Variants in C19orf44 observed in about 807,000 individuals in gnomAD.
C19orf44 encodes chromosome 19 open reading frame 44, also known as uncharacterized protein C19orf44.
In C19orf44, 43 loss-of-function variants were observed where a neutral mutation model predicts 50.7. That is an observed-to-expected ratio of 0.85 (90% CI 0.66 to 1.09). The LOEUF is 1.09. Among genes scored for constraint, C19orf44 ranks in the 50% least tolerant of loss-of-function variants. The pLI, the probability that C19orf44 is intolerant of heterozygous loss-of-function variation, is 0.00. For missense variants in C19orf44, 722 were observed against 836.2 expected, an observed-to-expected ratio of 0.86 and a Z score of 1.68; for synonymous variants, 298 against 334.7, an observed-to-expected ratio of 0.89 and a Z score of 1.20.
At chr19:16,508,505 A>G (rs1242006523) in intron 4 of C19orf44, among the ~76,000 whole-genome samples, 1 of 152,098 alleles carries the variant, frequency 6.6e-6, no homozygotes, top group East Asian at 1.9e-4. Context: ...AATCCTGCCC[A>G]GCCTCCTGAG....
chr19:16,497,372 A>C (rs1164433822), intron 1 of C19orf44, among the ~76,000 whole-genome samples: 2 of 33,752 alleles, frequency 5.9e-5, no homozygotes, highest in African/African-American at 1.2e-4. Flanking sequence ...TTTTTTTGAG[A>C]CAGATTCTCG....
chr19:16,519,932 C>T lies in C19orf44; in HGVS notation c.*41-162C>T. On this transcript the variant is annotated intron_variant, in intron 8 of 8. Transcript: ENST00000221671. This position sits in a 1 kb window ranked among gnomAD's most constrained non-coding sequence, Gnocchi z 6.0. ...CCCACGCTCAGCATTGAGAGCAGGACACCTCCAACCCAGATGGTGGTTAGA... is the reference window on the plus strand; with the variant it reads ...CCCACGCTCAGCATTGAGAGCAGGATACCTCCAACCCAGATGGTGGTTAGA... The T allele has an allele frequency of 1.5e-6, 1 of 657,300 alleles. No individual in the cohort carries two copies. The highest frequency in any genetic ancestry group is 2.7e-5 in the East Asian group (1 of 36,924). 40.7% of individuals were successfully genotyped at this position (657,300 alleles called of 1,614,324 possible).
At chr19:16,498,136 C>T (rs755835683) in intron 1 of C19orf44, among the ~76,000 whole-genome samples, 4 of 152,166 alleles carry the variant, frequency 2.6e-5, no homozygotes, top group African/African-American at 7.2e-5. Flanking sequence ...CGAACATTTG[C>T]ATACATTTGC....
chr19:16,497,070 A>C (rs758451177), intron 1 of C19orf44, among the ~76,000 whole-genome samples: 1 of 152,134 alleles, frequency 6.6e-6, no homozygotes, highest in Non-Finnish European at 1.5e-5. Flanking sequence ...CCAGGAGGTC[A>C]AGGGCTGCTG....
chr19:16,503,553 G>A (rs1320568926), intron 3 of C19orf44, among the ~76,000 whole-genome samples, 173 bp downstream of exon 3: 1 of 152,104 alleles, frequency 6.6e-6, no homozygotes, highest in Non-Finnish European at 1.5e-5. Flanking sequence ...TCCGATTTTT[G>A]TGCTATCTTT....
chr19:16,515,670 C>A (rs2093469502), intron 7 of C19orf44, among the ~76,000 whole-genome samples: 1 of 152,066 alleles, frequency 6.6e-6, no homozygotes, highest in East Asian at 1.9e-4. Context: ...GCTGGGATTA[C>A]AGGTGCCTGC....
rs1352925708 is a variant in C19orf44, at chr19:16,521,238, A to G, written c.*1185A>G. The G allele has an allele frequency of 5.3e-6, 3 of 568,392 alleles. No homozygotes were observed. Among genetic ancestry groups the G allele is most frequent in the Non-Finnish European group, 9.4e-6 (3 of 319,172 alleles). The allele number at this position is 568,392 out of a possible 1,614,324, so 35.2% of individuals were successfully genotyped here. ...CCCAGCACAGGAAGGAGGGGTGACCACTGGGAAGGGTGGGCTGAGGGCCCT... is the reference window on the plus strand; with the variant it reads ...CCCAGCACAGGAAGGAGGGGTGACCGCTGGGAAGGGTGGGCTGAGGGCCCT... On this transcript the variant is annotated 3_prime_UTR_variant, in exon 9 of 9. Transcript: ENST00000221671.
intron 8 of C19orf44, chr19:16,518,899 G>A (rs1214486083): frequency 5.9e-6 from 3 of 512,746 alleles, no homozygotes; most frequent in Non-Finnish European, 1.0e-5. Context: ...TTTTTGCTTC[G>A]CTATAAAGGA....
At position 16,519,724 on chromosome 19, in the gene C19orf44, G is replaced by A. The variant is rs1161671685; in HGVS notation, c.*41-370G>A. The A allele has an allele frequency of 7.5e-6, 12 of 1,606,148 alleles. No individual in the cohort carries two copies. Among genetic ancestry groups the A allele is most frequent in the East Asian group, 6.7e-5 (3 of 44,846 alleles). ...CCAGACCAGCAGAGGAACTAAAATC[G>A]AGACAGGTTATTCTTTTTAAGAAGT... On this transcript the variant is annotated intron_variant, in intron 8 of 8. Transcript: ENST00000221671. This position sits in a 1 kb window ranked among gnomAD's most constrained non-coding sequence, Gnocchi z 6.0.
intron 8 of C19orf44, 148 bp downstream of exon 8, chr19:16,517,489 T>C: frequency 3.1e-6 from 2 of 648,562 alleles, no homozygotes; most frequent in Non-Finnish European, 5.3e-6. Flanking sequence ...TGACATTCCA[T>C]GGTGGGGCAG....
At chr19:16,506,680 A>T in intron 3 of C19orf44, 21 bp from the exon 4 acceptor site, 2 of 1,515,088 alleles carry the variant, frequency 1.3e-6, no homozygotes, top group Non-Finnish European at 9.0e-7. Context: ...GTAAACGCTT[A>T]TACTCATTTT....
intron 3 of C19orf44, among the ~76,000 whole-genome samples, chr19:16,505,208 C>G (rs1438242651): frequency 6.7e-6 from 1 of 150,292 alleles, no homozygotes; most frequent in Non-Finnish European, 1.5e-5. Flanking sequence ...TGTGCCCGGC[C>G]CTGTCTTCTG....
chr19:16,500,353 T>G (rs2093421475), intron 1 of C19orf44, among the ~76,000 whole-genome samples: 1 of 147,572 alleles, frequency 6.8e-6, no homozygotes. Context: ...CTTTTTTCTT[T>G]TTCTTTTTTT....
In C19orf44 at chr19:16,519,360, C is replaced by T. The variant is rs747932438; in HGVS notation, c.*41-734C>T. 6.2e-7 allele frequency: 1 copy of T among 1,608,276 alleles called. No homozygotes were observed. Among genetic ancestry groups the T allele is most frequent in the East Asian group, 2.2e-5 (1 of 44,860 alleles). On this transcript the variant is annotated intron_variant, in intron 8 of 8. Transcript: ENST00000221671. This position sits in a 1 kb window ranked among gnomAD's most constrained non-coding sequence, Gnocchi z 6.0. ...CGCCTGAGCCGCTCCAGCCTGGAAA[C>T]AGAGACGCAGTCACAACCACAACAA...
chr19:16,519,946 A>G lies in C19orf44; in HGVS notation c.*41-148A>G. The G allele has an allele frequency of 1.5e-6, 1 of 668,292 alleles. No individual in the cohort carries two copies. The highest frequency in any genetic ancestry group is 2.6e-6 in the Non-Finnish European group (1 of 390,932). The allele number at this position is 668,292 out of a possible 1,614,324, so 41.4% of individuals were successfully genotyped here. A position where few individuals can be genotyped will look rare whatever the true frequency, so the allele number is the denominator to read the frequency against. ...TGAGAGCAGGACACCTCCAACCCAG[A>G]TGGTGGTTAGAAAGCAGACCCCAGT... On this transcript the variant is annotated intron_variant, in intron 8 of 8. Coordinates refer to ENST00000221671, the MANE Select transcript of C19orf44 (RefSeq NM_032207.4). This position sits in a 1 kb window ranked among gnomAD's most constrained non-coding sequence, Gnocchi z 6.0.
intron 7 of C19orf44, 66 bp downstream of exon 7, chr19:16,514,729 C>G: frequency 2.1e-6 from 3 of 1,443,008 alleles, no homozygotes; most frequent in Non-Finnish European, 2.7e-6. Flanking sequence ...GAGGCCGGGC[C>G]GAAGGGATAT....
At position 16,519,613 on chromosome 19, in the gene C19orf44, C is replaced by G. The variant is rs200329725; in HGVS notation, c.*41-481C>G. The G allele has an allele frequency of 1.2e-6, 2 of 1,613,260 alleles. No homozygotes were observed. The highest frequency in any genetic ancestry group is 1.7e-5 in the Admixed American group (1 of 60,006). On this transcript the variant is annotated intron_variant, in intron 8 of 8. Coordinates refer to ENST00000221671, the MANE Select transcript of C19orf44 (RefSeq NM_032207.4). This position sits in a 1 kb window ranked among gnomAD's most constrained non-coding sequence, Gnocchi z 6.0. The stretch of plus-strand genomic sequence containing the variant: ...CCATCCCGCGCCCTCCCCATTCCCT[C>G]GCCTTACCCATCTTCACCAGCATCT...
chr19:16,510,044 G>T (rs762739951), intron 5 of C19orf44, 56 bp downstream of exon 5: 5 of 1,612,578 alleles, frequency 3.1e-6, no homozygotes, highest in Non-Finnish European at 4.2e-6. Flanking sequence ...TCAGCGTGTG[G>T]TTTACAGCAT....
At chr19:16,506,385 G>A (rs1473322595) in intron 3 of C19orf44, among the ~76,000 whole-genome samples, 1 of 152,128 alleles carries the variant, frequency 6.6e-6, no homozygotes, top group African/African-American at 2.4e-5. Flanking sequence ...CTTGAGGCCA[G>A]GAATTCAAGA....
Sources: allele counts gnomAD v4.1 joint callset (sites outside exome capture counted in the v4.1 genomes callset), GRCh38; gene constraint gnomAD v4.1.1; non-coding constraint Gnocchi (gnomAD v3.1); transcripts MANE v1.5; gene names NCBI Gene and HGNC (gene_info 2026-07-23, HGNC 2026-07-21).